Variants in SGCZ observed in about 807,000 individuals in gnomAD.
The protein encoded by SGCZ is zeta-sarcoglycan.
In SGCZ, 40 loss-of-function variants were observed where a neutral mutation model predicts 41.3. The observed-to-expected ratio is 0.97, with a 90% CI of 0.75 to 1.26. SGCZ has a LOEUF of 1.26. SGCZ is among the 50% of genes most tolerant of loss of function. The pLI is 0.00. For synonymous variants in SGCZ, 206 were observed against 137.5 expected, an observed-to-expected ratio of 1.50 and a Z score of -3.49; for missense variants, 552 against 369.8, an observed-to-expected ratio of 1.49 and a Z score of -4.04.
At chr8:14,427,652 G>A (rs1304444959) in intron 2 of SGCZ, among the ~76,000 whole-genome samples, 1 of 152,092 alleles carries the variant, frequency 6.6e-6, no homozygotes, top group Non-Finnish European at 1.5e-5. Context: ...GGAGTTAGGC[G>A]GTAATTGCTT....
intron 1 of SGCZ, among the ~76,000 whole-genome samples, chr8:14,810,690 C>A (rs1327199364): frequency 6.6e-6 from 1 of 151,966 alleles, no homozygotes; most frequent in South Asian, 2.1e-4. Flanking sequence ...TATTTTTCAA[C>A]TTCTGGTTCA....
chr8:15,131,832 A>G (rs1807915281), intron 1 of SGCZ, among the ~76,000 whole-genome samples: 1 of 152,172 alleles, frequency 6.6e-6, no homozygotes, highest in Non-Finnish European at 1.5e-5. Flanking sequence ...AAGAATAAAT[A>G]TAGTTTTGGT....
chr8:14,774,287 T>C (rs1800335082), intron 1 of SGCZ, among the ~76,000 whole-genome samples: 2 of 152,180 alleles, frequency 1.3e-5, no homozygotes, highest in Non-Finnish European at 2.9e-5. Flanking sequence ...CACCTACAGA[T>C]TTTGGACTTG....
intron 1 of SGCZ, among the ~76,000 whole-genome samples, chr8:15,136,140 T>C (rs1051722832): frequency 6.6e-6 from 1 of 151,956 alleles, no homozygotes; most frequent in African/African-American, 2.4e-5. Context: ...CTCAATTTGG[T>C]CCAGGGTCCA....
intron 3 of SGCZ, among the ~76,000 whole-genome samples, chr8:14,258,789 G>T (rs1799552910): frequency 6.6e-6 from 1 of 152,188 alleles, no homozygotes; most frequent in Non-Finnish European, 1.5e-5. Context: ...ACCTTCAAGT[G>T]TGAGGATTAC....
chr8:15,134,841 T>C lies in SGCZ; in HGVS notation c.39+102744A>G, dbSNP rs193111319. ...AACTTTTAATATATGAGTATGCTTT[T>C]TTTTGATCATTACGGAATCATTATG... On this transcript the variant is annotated intron_variant, in intron 1 of 7. Coordinates refer to ENST00000382080, the MANE Select transcript of SGCZ (RefSeq NM_139167.4). Among the ~76,000 whole-genome samples the C allele has an allele frequency of 7.9e-5, 12 of 152,352 alleles. No homozygotes were observed. The East Asian group carries it at 2.3e-3, about 29-fold the overall frequency.
At chr8:14,322,438 A>C (rs1024131236) in intron 3 of SGCZ, among the ~76,000 whole-genome samples, 1 of 152,108 alleles carries the variant, frequency 6.6e-6, no homozygotes, top group African/African-American at 2.4e-5. Flanking sequence ...CGTTAATGCT[A>C]TAATGTTAGT....
chr8:14,584,127 C>T (rs1804983303), intron 1 of SGCZ, among the ~76,000 whole-genome samples: 3 of 152,040 alleles, frequency 2.0e-5, no homozygotes, highest in Admixed American at 6.6e-5. Context: ...CATGAAATCA[C>T]TGCTACAAAC....
chr8:14,150,087 G>A (rs566389018), intron 5 of SGCZ, among the ~76,000 whole-genome samples: 17 of 152,082 alleles, frequency 1.1e-4, no homozygotes, highest in Non-Finnish European at 2.1e-4. Context: ...AGAAAACAAC[G>A]AGTAAACTAT....
chr8:14,343,693 T>G (rs1585387307), intron 2 of SGCZ, among the ~76,000 whole-genome samples: 1 of 152,300 alleles, frequency 6.6e-6, no homozygotes, highest in East Asian at 1.9e-4. Flanking sequence ...CAGAATAATC[T>G]AGATTCAGAG....
At chr8:14,213,839 G>C (rs1805900267) in intron 4 of SGCZ, among the ~76,000 whole-genome samples, 1 of 152,060 alleles carries the variant, frequency 6.6e-6, no homozygotes, top group Non-Finnish European at 1.5e-5. Flanking sequence ...TTCACTTGAA[G>C]TAAAAAAGTT....
chr8:14,580,715 T>C (rs1400049682), intron 1 of SGCZ, among the ~76,000 whole-genome samples: 1 of 152,200 alleles, frequency 6.6e-6, no homozygotes, highest in Non-Finnish European at 1.5e-5. Context: ...TTATGGCTCA[T>C]TCATGTACAA....
At chr8:14,240,321 C>G (rs1798825319) in intron 3 of SGCZ, among the ~76,000 whole-genome samples, 1 of 80,314 alleles carries the variant, frequency 1.2e-5, no homozygotes, top group African/African-American at 5.7e-5. Flanking sequence ...GAGCGAAACT[C>G]TGTGTCAAAA....
intron 1 of SGCZ, among the ~76,000 whole-genome samples, chr8:15,210,809 A>C (rs1321318693): frequency 6.6e-6 from 1 of 152,070 alleles, no homozygotes; most frequent in Non-Finnish European, 1.5e-5. Flanking sequence ...CTCTGAAAGC[A>C]ATCTCCTATT....
chr8:14,753,372 T>C (rs1038495020), intron 1 of SGCZ, among the ~76,000 whole-genome samples: 2 of 152,142 alleles, frequency 1.3e-5, no homozygotes, highest in African/African-American at 4.8e-5. Flanking sequence ...TAAACAAATA[T>C]CTCATCTTCG....
intron 5 of SGCZ, among the ~76,000 whole-genome samples, chr8:14,160,085 G>T (rs554107171): frequency 6.6e-6 from 1 of 152,038 alleles, no homozygotes; most frequent in African/African-American, 2.4e-5. Flanking sequence ...ATTCTTTCAG[G>T]TTTTTAGTTT....
At chr8:14,769,806 A>AAAAAAAAAAAAAAAAAAAAC in intron 1 of SGCZ, among the ~76,000 whole-genome samples, 1 of 149,972 alleles carries the variant, frequency 6.7e-6, no homozygotes, top group African/African-American at 2.5e-5. Context: ...AAAAAAAAAA[A>AAAAAAAAAAAAAAAAAAAAC]AAAAAAAAAC....
chr8:14,894,740 G>T (rs73517325), intron 1 of SGCZ, among the ~76,000 whole-genome samples: 10,065 of 151,722 alleles, frequency 0.066, 1,012 homozygotes, highest in African/African-American at 0.22. Context: ...TAAAAATGTC[G>T]GTCTTCTTTT....
chr8:14,740,786 C>A (rs1799178033), intron 1 of SGCZ, among the ~76,000 whole-genome samples: 1 of 151,986 alleles, frequency 6.6e-6, no homozygotes, highest in Admixed American at 6.6e-5. Flanking sequence ...GAGTCTTTCT[C>A]ACCATAATTT....
Sources: allele counts gnomAD v4.1 joint callset (sites outside exome capture counted in the v4.1 genomes callset), GRCh38; gene constraint gnomAD v4.1.1; transcripts MANE v1.5; gene names NCBI Gene and HGNC (gene_info 2026-07-23, HGNC 2026-07-21).